Variants in MED24 observed in about 807,000 individuals in gnomAD.
MED24 encodes the protein mediator of RNA polymerase II transcription subunit 24.
Under a neutral mutation model 118.8 loss-of-function variants are expected in MED24, and 74 were observed. That is an observed-to-expected ratio of 0.62 (90% CI 0.52 to 0.76). The LOEUF is 0.76. Among genes scored for constraint, MED24 ranks in the 30% least tolerant of loss-of-function variants. The pLI, the probability that MED24 is intolerant of heterozygous loss-of-function variation, is 0.00. For missense variants in MED24, 1,041 were observed against 1,278.9 expected (o/e 0.81, Z 2.84); for synonymous variants, 521 against 523.9 (o/e 0.99, Z 0.08).
chr17:40,032,911 C>T, intron 8 of MED24, 145 bp downstream of exon 8: 1 of 1,341,596 alleles, frequency 7.5e-7, no homozygotes, highest in Non-Finnish European at 1.0e-6. Flanking sequence ...GGTCCAATGA[C>T]AGAAGTGTGC....
At position 40,035,350 on chromosome 17, in the gene MED24, C is replaced by A; in HGVS notation, c.327-1G>T. The A allele has an allele frequency of 6.3e-7, 1 of 1,575,748 alleles. No homozygotes were observed. The highest frequency in any genetic ancestry group is 8.6e-7 in the Non-Finnish European group (1 of 1,157,042). ...GCATTCCTCTGCTTTGCCGTGACAG[C>A]TACAGGGAAGGATGCAAAATCAGAC... On this transcript the variant is annotated splice_acceptor_variant, in intron 5 of 25. Coordinates refer to ENST00000394128, the MANE Select transcript of MED24 (RefSeq NM_014815.4). LOFTEE classifies it high-confidence loss of function.
Position 40,026,248 on chromosome 17 carries a change from C to T in MED24, c.1893G>A (p.Leu631=). The T allele has an allele frequency of 6.2e-7, 1 of 1,614,236 alleles. No homozygotes were observed. Among genetic ancestry groups the T allele is most frequent in the South Asian group, 1.1e-5 (1 of 91,090 alleles). Residue 631 remains leucine (L), a synonymous_variant, in exon 19 of 26, where the codon CTG becomes CTA. Transcript: ENST00000394128. The part of the protein sequence containing the change: ...VAWLVAHVRM[L]GLDEREKSLQ... ...GCGACTTCTCACGCTCATCCAGCCC[C>T]AGCATCCGGACGTGGGCCACAAGCC...
chr17:40,048,840 C>A (rs886887950), intron 3 of MED24, among the ~76,000 whole-genome samples: 1 of 152,076 alleles, frequency 6.6e-6, no homozygotes, highest in Non-Finnish European at 1.5e-5. Context: ...CAGGCAGGAG[C>A]CACCATGCCT....
chr17:40,039,050 A>AT (rs1436677275), intron 3 of MED24, among the ~76,000 whole-genome samples: 1 of 152,196 alleles, frequency 6.6e-6, no homozygotes, highest in Non-Finnish European at 1.5e-5. Context: ...ACCTTGCTGG[A>AT]TACCAACCTG....
chr17:40,053,643 G>A lies in MED24; in HGVS notation c.-37-8C>T, dbSNP rs775444219. On this transcript the variant is annotated splice_polypyrimidine_tract_variant and splice_region_variant and intron_variant, in intron 1 of 25. Coordinates refer to ENST00000394128, the MANE Select transcript of MED24 (RefSeq NM_014815.4). ...GGCAGCGGTGGCGGCCAGCTTTGAG[G>A]TGAAAGAAATGGAGCTAAAGAAAAG... 1.2e-5 allele frequency: 19 copies of A among 1,613,480 alleles called. No individual in the cohort carries two copies. The highest frequency in any genetic ancestry group is 1.6e-5 in the Non-Finnish European group (19 of 1,180,012).
intron 3 of MED24, among the ~76,000 whole-genome samples, chr17:40,042,546 A>C (rs931018446): frequency 6.6e-6 from 1 of 152,100 alleles, no homozygotes; most frequent in Admixed American, 6.6e-5. Context: ...GGTGGTGGGC[A>C]TCTATAATCC....
chr17:40,031,692 T>G, intron 10 of MED24, 72 bp from the exon 11 acceptor site: 1 of 1,433,552 alleles, frequency 7.0e-7, no homozygotes, highest in Non-Finnish European at 9.7e-7. Flanking sequence ...CAACCTTGTC[T>G]GCTGGAGGCA....
At chr17:40,027,507 G>T (rs112943715) in intron 15 of MED24, 42 bp from the exon 16 acceptor site, 59 of 1,564,054 alleles carry the variant, frequency 3.8e-5, no homozygotes, top group East Asian at 4.7e-5. Flanking sequence ...ACGAGGGCAG[G>T]GGGGAGCCCG....
chr17:40,042,955 GTATT>G (rs1272485125), intron 3 of MED24, among the ~76,000 whole-genome samples: 38 of 152,128 alleles, frequency 2.5e-4, no homozygotes, highest in Non-Finnish European at 5.3e-4. Context: ...ACGTATGTAT[GTATT>G]TATTTATTTT....
chr17:40,053,805 CTCCTGAACCGCCCT>C (rs1986078112), intron 1 of MED24, 170 bp from the exon 2 acceptor site: 1 of 846,064 alleles, frequency 1.2e-6, no homozygotes, highest in Non-Finnish European at 1.8e-6. Context: ...AGACTCTCTC[CTCCTGAACCGCCCT>C]TCCTTAAACT....
chr17:40,040,699 A>C (rs1157931171), intron 3 of MED24, among the ~76,000 whole-genome samples: 1 of 150,846 alleles, frequency 6.6e-6, no homozygotes, highest in Non-Finnish European at 1.5e-5. Flanking sequence ...GCTCACTGCA[A>C]CCTCCACCTC....
intron 3 of MED24, among the ~76,000 whole-genome samples, chr17:40,037,800 A>G (rs1289900126): frequency 2.6e-5 from 4 of 151,958 alleles, no homozygotes; most frequent in African/African-American, 9.7e-5. Context: ...AGTCCCAGCT[A>G]CTAGGGAGGC....
intron 8 of MED24, 60 bp downstream of exon 8, chr17:40,032,996 C>A: frequency 6.2e-7 from 1 of 1,601,810 alleles, no homozygotes. Flanking sequence ...AGAATCCTCC[C>A]TCCTGCCCCC....
At chr17:40,036,269 G>T (rs1271770278) in intron 3 of MED24, 115 bp from the exon 4 acceptor site, 5 of 1,033,708 alleles carry the variant, frequency 4.8e-6, no homozygotes, top group Non-Finnish European at 5.9e-6. Flanking sequence ...CCTTCCACAG[G>T]CCCTCTTCAA....
intron 3 of MED24, among the ~76,000 whole-genome samples, chr17:40,046,185 C>T (rs1030443581): frequency 2.8e-4 from 40 of 142,950 alleles, no homozygotes; most frequent in African/African-American, 1.0e-3. Flanking sequence ...CCCGGGTTCA[C>T]GCCATTCTCC....
At position 40,020,316 on chromosome 17, in the gene MED24, C is replaced by A; in HGVS notation, c.2661G>T (p.Gln887His). The change falls in exon 24 of 26, where the codon CAG becomes CAT. Residue 887 changes from glutamine (Q) to histidine (H), a missense_variant. Coordinates refer to ENST00000394128, the MANE Select transcript of MED24 (RefSeq NM_014815.4). ...RSMSSSLSASQLHTVNMRDPL... is the reference protein window; with the variant it reads ...RSMSSSLSASHLHTVNMRDPL... The stretch of plus-strand genomic sequence containing the variant: ...GGTCCCGCATGTTGACCGTGTGGAG[C>A]TGAGAGGCTGAGAGGGAGCTGCTCA... 1 of 1,592,952 alleles carries A rather than the reference C, an allele frequency of 6.3e-7. No homozygotes were observed. The highest frequency in any genetic ancestry group is 8.5e-7 in the Non-Finnish European group (1 of 1,169,886).
At chr17:40,035,701 C>T (rs1212411240) in intron 5 of MED24, 21 bp downstream of exon 5, 1 of 1,609,324 alleles carries the variant, frequency 6.2e-7, no homozygotes, top group East Asian at 2.2e-5. Context: ...GTATTGTGAG[C>T]CCCCTTACCC....
chr17:40,037,860 G>A lies in MED24; in HGVS notation c.214-1706C>T, dbSNP rs556170332. On this transcript the variant is annotated intron_variant, in intron 3 of 25. Coordinates refer to ENST00000394128, the MANE Select transcript of MED24 (RefSeq NM_014815.4). ...CGGGAGGCAGAGCTTGCAGTGAGCC[G>A]AGATTGCGCCACTGCACTCCAGTGT... Among the ~76,000 whole-genome samples the A allele has an allele frequency of 2.6e-4, 39 of 151,122 alleles. 2 individuals carry two copies. The South Asian group carries it at 4.4e-3, about 17-fold the overall frequency.
chr17:40,041,326 T>C (rs1390524523), intron 3 of MED24, among the ~76,000 whole-genome samples: 1 of 152,178 alleles, frequency 6.6e-6, no homozygotes, highest in Non-Finnish European at 1.5e-5. Flanking sequence ...GCCCCTTCTC[T>C]TCAGACTCCT....
Sources: allele counts gnomAD v4.1 joint callset (sites outside exome capture counted in the v4.1 genomes callset), GRCh38; gene constraint gnomAD v4.1.1; transcripts MANE v1.5; gene names NCBI Gene and HGNC (gene_info 2026-07-23, HGNC 2026-07-21).